The following TFRC variants were observed in gnomAD, a reference collection of about 807,000 sequenced individuals.
TFRC encodes transferrin receptor.
In TFRC, 35 loss-of-function variants were observed where a neutral mutation model predicts 85.8. The observed-to-expected ratio is 0.41, with a 90% CI of 0.31 to 0.54. TFRC has a LOEUF of 0.54. Among genes scored for constraint, TFRC ranks in the 20% least tolerant of loss-of-function variants. The pLI is 0.31. For missense variants in TFRC, 828 were observed against 921.5 expected (o/e 0.90, Z 1.31); for synonymous variants, 362 against 328.6 (o/e 1.10, Z -1.10).
At chr3:196,069,697 C>G (rs1186994007) in intron 6 of TFRC, 129 bp from the exon 7 acceptor site, 6 of 550,638 alleles carry the variant, frequency 1.1e-5, no homozygotes, top group African/African-American at 1.9e-5. Flanking sequence ...GAGGCCAAGG[C>G]CTAAAAAAGA....
chr3:196,065,413 G>GGGGC, intron 10 of TFRC, 30 bp downstream of exon 10: 4 of 769,664 alleles, frequency 5.2e-6, no homozygotes, highest in Non-Finnish European at 6.7e-6. Flanking sequence ...AAAAAAAAGC[G>GGGGC]GGGCGGGGGG....
intron 1 of TFRC, among the ~76,000 whole-genome samples, chr3:196,081,486 G>C (rs1007784024): frequency 1.3e-5 from 2 of 152,346 alleles, no homozygotes; most frequent in Admixed American, 6.5e-5. Flanking sequence ...GGGAACCGAA[G>C]GTTTAGGAGC....
intron 1 of TFRC, among the ~76,000 whole-genome samples, chr3:196,078,867 C>G (rs1263322389): frequency 6.6e-6 from 1 of 151,404 alleles, no homozygotes; most frequent in South Asian, 2.1e-4. Context: ...CTCCCCCTCC[C>G]GGGTTCAAGC....
intron 9 of TFRC, among the ~76,000 whole-genome samples, chr3:196,066,455 TA>T (rs552749517): frequency 9.8e-4 from 147 of 150,514 alleles, no homozygotes; most frequent in African/African-American, 3.5e-3. Flanking sequence ...ACTGTCAAAA[TA>T]AAAAAAAAAT....
intron 4 of TFRC, among the ~76,000 whole-genome samples, chr3:196,073,050 A>AACAAAC (rs772958608): frequency 8.1e-6 from 1 of 124,112 alleles, no homozygotes; most frequent in African/African-American, 2.6e-5. Flanking sequence ...AAAAAAAAAA[A>AACAAAC]AAAAAAAAAA....
intron 16 of TFRC, 97 bp from the exon 17 acceptor site, chr3:196,055,398 C>T (rs961799220): frequency 1.1e-4 from 108 of 979,528 alleles, no homozygotes; most frequent in Non-Finnish European, 1.6e-4. Flanking sequence ...ACGACAGTTC[C>T]ACCCTTGCTT....
intron 10 of TFRC, among the ~76,000 whole-genome samples, chr3:196,064,943 G>C (rs1487579615): frequency 1.3e-5 from 2 of 152,056 alleles, no homozygotes; most frequent in African/African-American, 4.8e-5. Context: ...AATTTCCTAG[G>C]GCCTTATTAC....
chr3:196,075,272 A>T lies in TFRC; in HGVS notation c.125T>A (p.Val42Glu), dbSNP rs1718586021. The change falls in exon 3 of 19, where the codon GTA becomes GAA. Residue 42 changes from valine (V) to glutamate (E), a missense_variant. Transcript: ENST00000360110. ...ATTGTCAGCATTTTCTTCTTCATCT[A>T]CAGCAAGTTTCATCTCCACATGACT... ...DNSHVEMKLA[V>E]DEEENADNNT... 1.9e-6 allele frequency: 3 copies of T among 1,614,056 alleles called. No individual in the cohort carries two copies. The East Asian group carries it at 6.7e-5, about 36-fold the overall frequency.
chr3:196,067,917 C>T (rs9855973), intron 8 of TFRC, 115 bp downstream of exon 8: 126,564 of 851,766 alleles, frequency 0.15, 10,990 homozygotes, highest in Middle Eastern at 0.25. Context: ...TTACTGCTAA[C>T]GCCCTCCCAG....
intron 6 of TFRC, among the ~76,000 whole-genome samples, chr3:196,070,798 T>TAAC: frequency 7.5e-6 from 1 of 132,462 alleles, no homozygotes; most frequent in Non-Finnish European, 1.6e-5. Context: ...ATAATAATAA[T>TAAC]AATAATAATA....
Position 196,069,448 on chromosome 3 carries a change from T to G in TFRC, c.801+7A>C. ...CTGTATTTAATATTATAATAACTCA[T>G]ACTCACCTTTTCTGCAAAGGTGATT... is the stretch of plus-strand genomic sequence containing the variant. On this transcript the variant is annotated splice_region_variant and intron_variant, in intron 7 of 18. Transcript: ENST00000360110. 1 of 1,522,498 alleles carries G rather than the reference T, an allele frequency of 6.6e-7. No individual in the cohort carries two copies. The highest frequency in any genetic ancestry group is 1.7e-5 in the Admixed American group (1 of 59,092). The allele number at this position is 1,522,498 out of a possible 1,614,324, so 94.3% of individuals were successfully genotyped here. A position where few individuals can be genotyped will look rare whatever the true frequency, so the allele number is the denominator to read the frequency against.
At chr3:196,056,848 G>A (rs1422797301) in intron 16 of TFRC, among the ~76,000 whole-genome samples, 1 of 150,656 alleles carries the variant, frequency 6.6e-6, no homozygotes, top group African/African-American at 2.4e-5. Flanking sequence ...TTGAGACAGG[G>A]TCTTGCTCTG....
rs765789154 is a variant in TFRC, at chr3:196,065,422, G to C, written c.1198+21C>G. ...AAAACAAAAAAAAAGCGGGGCGGGG[G>C]GGGGGGGGGGCGGTCTTTACCTGGT... On this transcript the variant is annotated intron_variant, in intron 10 of 18. Coordinates refer to ENST00000360110, the MANE Select transcript of TFRC (RefSeq NM_001128148.3). The C allele has an allele frequency of 2.6e-4, 128 of 501,536 alleles. 2 individuals are homozygous for C. The highest frequency in any genetic ancestry group is 9.7e-4 in the African/African-American group (32 of 33,030). 31.1% of individuals were successfully genotyped at this position (501,536 alleles called of 1,614,324 possible). A position where few individuals can be genotyped will look rare whatever the true frequency, so the allele number is the denominator to read the frequency against.
At chr3:196,058,681 A>G (rs1717024417) in intron 14 of TFRC, 49 bp from the exon 15 acceptor site, 1 of 1,399,608 alleles carries the variant, frequency 7.1e-7, no homozygotes, top group East Asian at 2.3e-5. Context: ...GAACTTATTT[A>G]TTCAGGCTAG....
At chr3:196,072,339 G>C (rs1442887635) in intron 4 of TFRC, among the ~76,000 whole-genome samples, 187 bp from the exon 5 acceptor site, 1 of 152,138 alleles carries the variant, frequency 6.6e-6, no homozygotes, top group African/African-American at 2.4e-5. Context: ...CCCAAATCTT[G>C]TAACTTCAAA....
At chr3:196,055,032 A>G (rs1716652227) in intron 17 of TFRC, 48 bp downstream of exon 17, 2 of 1,562,806 alleles carry the variant, frequency 1.3e-6, no homozygotes, top group Non-Finnish European at 1.8e-6. Context: ...ACATTTCAAA[A>G]TACTTGACAT....
At chr3:196,059,483 G>A (rs1017245077) in intron 14 of TFRC, among the ~76,000 whole-genome samples, 1 of 152,232 alleles carries the variant, frequency 6.6e-6, no homozygotes, top group East Asian at 1.9e-4. Flanking sequence ...CCTTGCTTGA[G>A]ATCCTATAAT....
intron 3 of TFRC, 23 bp from the exon 4 acceptor site, chr3:196,074,148 C>T (rs772822391): frequency 2.5e-6 from 4 of 1,586,640 alleles, no homozygotes; most frequent in Non-Finnish European, 8.6e-7. Flanking sequence ...AGTTCCAGAG[C>T]TGAACTCAGA....
At chr3:196,052,971 G>A (rs80200121) in intron 18 of TFRC, among the ~76,000 whole-genome samples, 8 of 151,944 alleles carry the variant, frequency 5.3e-5, no homozygotes, top group South Asian at 4.2e-4. Flanking sequence ...AAAATGAGCC[G>A]GGCGTGGTGT....
Sources: gnomAD v4.1 joint callset for allele counts (sites outside exome capture counted in the v4.1 genomes callset) on GRCh38, gnomAD v4.1.1 for gene constraint, MANE v1.5 for transcripts, NCBI Gene and HGNC (gene_info 2026-07-23, HGNC 2026-07-21) for gene names.